The following GLB1L3 variants were observed in gnomAD, a reference collection of about 807,000 sequenced individuals.
The protein encoded by GLB1L3 is galactosidase beta 1 like 3, also known as beta-galactosidase-1-like protein 3.
GLB1L3 carries 89 observed loss-of-function variants against 89.5 expected under a neutral mutation model. The ratio of observed to expected loss-of-function variants is 0.99; its 90% CI spans 0.84 to 1.19. GLB1L3 has a LOEUF of 1.19. Ranked by LOEUF, GLB1L3 falls within the 50% of genes most tolerant of loss-of-function variation. The probability of loss-of-function intolerance (pLI) is 0.00; values close to 1 mark genes in which losing one functional copy is unlikely to be tolerated. For synonymous variants in GLB1L3, 314 were observed against 312.3 expected, an observed-to-expected ratio of 1.01 and a Z score of -0.06; for missense variants, 812 against 813.3, an observed-to-expected ratio of 1.00 and a Z score of 0.02.
intron 10 of GLB1L3, among the ~76,000 whole-genome samples, chr11:134,308,175 C>CCACCAT (rs1942301855): frequency 7.8e-6 from 1 of 128,092 alleles, no homozygotes; most frequent in African/African-American, 3.2e-5. Context: ...ACCAGCACCA[C>CCACCAT]CACCATCACC....
At chr11:134,298,067 C>CTT (rs148792992) in intron 9 of GLB1L3, among the ~76,000 whole-genome samples, 1 of 146,756 alleles carries the variant, frequency 6.8e-6, no homozygotes, top group African/African-American at 2.5e-5. Context: ...TAATTCTTAT[C>CTT]TTTTTTTTTT....
intron 10 of GLB1L3, among the ~76,000 whole-genome samples, chr11:134,308,285 TACCACCACC>T (rs747748023): frequency 4.8e-5 from 1 of 20,952 alleles, no homozygotes; most frequent in Admixed American, 5.0e-4. Flanking sequence ...CACCACCAAA[TACCACCACC>T]ACCACCACCA....
rs1195220501 is a variant in GLB1L3 at position 134,318,764 on chromosome 11, T to G, written c.1896+17T>G. ...GACAATGAGGTATGTCACTCCAGTC[T>G]CTGCCTTGAGATCTCATAAACTTTC... On this transcript the variant is annotated intron_variant, in intron 19 of 19. Coordinates refer to ENST00000431683, the MANE Select transcript of GLB1L3 (RefSeq NM_001080407.3). 1 of 1,569,300 alleles carries G rather than the reference T, an allele frequency of 6.4e-7. No individual in the cohort carries two copies. Among genetic ancestry groups the G allele is most frequent in the African/African-American group, 1.3e-5 (1 of 74,108 alleles).
At chr11:134,323,734 G>GTTGC (rs1484997158), downstream of GLB1L3, among the ~76,000 whole-genome samples, 1 of 152,152 alleles carries the variant, frequency 6.6e-6, no homozygotes, top group African/African-American at 2.4e-5. Flanking sequence ...TAAATCATTA[G>GTTGC]TTGCTTGTAA....
chr11:134,287,591 C>T (rs1008663827), intron 6 of GLB1L3, among the ~76,000 whole-genome samples: 3 of 152,148 alleles, frequency 2.0e-5, no homozygotes, highest in Non-Finnish European at 4.4e-5. Context: ...TGATACTGTT[C>T]AATAATAAAA....
At chr11:134,320,521 C>T (rs576887595), downstream of GLB1L3, among the ~76,000 whole-genome samples, 1 of 152,182 alleles carries the variant, frequency 6.6e-6, no homozygotes, top group East Asian at 1.9e-4. Flanking sequence ...ATCCATTTTA[C>T]AGATGAGAAA....
At chr11:134,280,571 G>T (rs969171866) in intron 3 of GLB1L3, among the ~76,000 whole-genome samples, 5 of 151,972 alleles carry the variant, frequency 3.3e-5, no homozygotes, top group Non-Finnish European at 5.9e-5. Flanking sequence ...TCACTGTGAT[G>T]GTAACTGATG....
intron 5 of GLB1L3, among the ~76,000 whole-genome samples, chr11:134,282,607 A>ACCAC (rs1461447587): frequency 6.6e-6 from 1 of 152,058 alleles, no homozygotes; most frequent in Non-Finnish European, 1.5e-5. Context: ...ATGCAGTGAG[A>ACCAC]CCACCCTCAG....
intron 9 of GLB1L3, among the ~76,000 whole-genome samples, chr11:134,294,097 AC>A (rs1477208829): frequency 6.7e-6 from 1 of 149,496 alleles, no homozygotes; most frequent in African/African-American, 2.5e-5. Flanking sequence ...ACAGAGTCTC[AC>A]TCTTGTTGCC....
At chr11:134,307,069 G>T in intron 9 of GLB1L3, 55 bp from the exon 10 acceptor site, 1 of 1,349,978 alleles carries the variant, frequency 7.4e-7, no homozygotes, top group Non-Finnish European at 1.0e-6. Flanking sequence ...CAGGTTTTCT[G>T]ATTTTTCTTT....
chr11:134,308,377 CCATCACCACCATCACCACCATCACCAT>C (rs1942420933), intron 10 of GLB1L3, among the ~76,000 whole-genome samples: 1 of 52,612 alleles, frequency 1.9e-5, no homozygotes, highest in African/African-American at 1.2e-4. Context: ...ACCACCACCA[CCATCACCACCATCACCACCATCACCAT>C]CACCACCACC....
chr11:134,276,878 G>A, intron 1 of GLB1L3, 115 bp downstream of exon 1: 1 of 966,616 alleles, frequency 1.0e-6, no homozygotes, highest in Non-Finnish European at 1.4e-6. Flanking sequence ...CGCCGCGCCG[G>A]GCCGCGCCAC....
rs755934137 is a variant in GLB1L3, at chr11:134,311,150, G to A, written c.1267G>A (p.Ala423Thr). The A allele has an allele frequency of 5.6e-6, 9 of 1,613,452 alleles. No homozygotes were observed. The highest frequency in any genetic ancestry group is 4.5e-5 in the East Asian group (2 of 44,878). The change falls in exon 13 of 20, where the codon GCC (alanine) becomes ACC (threonine). Residue 423 changes from alanine to threonine, a missense_variant. By Grantham distance (58) the Ala-to-Thr change is moderately conservative. Around this residue, in one of 3 missense-constraint regions of GLB1L3, gnomAD observed 618 missense variants for 604.0 expected, o/e 1.02. Coordinates refer to ENST00000431683, the MANE Select transcript of GLB1L3 (RefSeq NM_001080407.3). ...RPSLYLPLWD[A>T]LSYLNEPVRS... ...GTCGCTGTACCTCCCGCTGTGGGAC[G>A]CCCTATCCTACTTAAATGAGGTGCG...
chr11:134,317,531 C>T (rs904567027), intron 18 of GLB1L3, among the ~76,000 whole-genome samples: 1 of 152,014 alleles, frequency 6.6e-6, no homozygotes, highest in African/African-American at 2.4e-5. Context: ...TTATCAGTTT[C>T]TTTCTTAAAT....
chr11:134,299,445 G>A (rs1304880060), intron 9 of GLB1L3, among the ~76,000 whole-genome samples: 1 of 152,082 alleles, frequency 6.6e-6, no homozygotes, highest in Admixed American at 6.6e-5. Context: ...ATTCTGCTAG[G>A]CCATGTGGGA....
chr11:134,296,985 C>G (rs1246523491), intron 9 of GLB1L3, among the ~76,000 whole-genome samples: 1 of 152,054 alleles, frequency 6.6e-6, no homozygotes, highest in Non-Finnish European at 1.5e-5. Context: ...TTTCTGCCTA[C>G]TCATTCCATC....
chr11:134,277,068 G>A, intron 1 of GLB1L3: 1 of 579,356 alleles, frequency 1.7e-6, no homozygotes, highest in Non-Finnish European at 3.0e-6. Context: ...GCCTCTCCCA[G>A]GCACCCACCG....
chr11:134,283,034 C>T (rs961698011), intron 5 of GLB1L3, among the ~76,000 whole-genome samples: 6 of 152,092 alleles, frequency 3.9e-5, no homozygotes, highest in Admixed American at 2.0e-4. Flanking sequence ...AAATGTGACA[C>T]TGTGCCTAAG....
intron 9 of GLB1L3, among the ~76,000 whole-genome samples, chr11:134,294,712 T>G (rs1565401069): frequency 6.6e-6 from 1 of 152,232 alleles, no homozygotes; most frequent in Non-Finnish European, 1.5e-5. Flanking sequence ...TTCTAGACGT[T>G]TCACATAAGC....
Sources: allele counts gnomAD v4.1 joint callset (sites outside exome capture counted in the v4.1 genomes callset), GRCh38; gene constraint gnomAD v4.1.1; regional missense constraint gnomAD v4.1.1; transcripts MANE v1.5; gene names NCBI Gene and HGNC (gene_info 2026-07-23, HGNC 2026-07-21).